Variants in SNX24 observed in about 807,000 individuals in gnomAD.
SNX24 encodes sorting nexin-24.
Under a neutral mutation model 28.7 loss-of-function variants are expected in SNX24, and 22 were observed. The ratio of observed to expected loss-of-function variants is 0.77; its 90% CI spans 0.55 to 1.10. The LOEUF (loss-of-function observed/expected upper bound fraction) is 1.10, where lower values mean the gene tolerates loss of function less well. Ranked by LOEUF, SNX24 falls within the 50% of genes least tolerant of loss-of-function variation. The pLI is 0.00. For synonymous variants in SNX24, 69 were observed against 71.5 expected, an observed-to-expected ratio of 0.96 and a Z score of 0.18; for missense variants, 221 against 201.1, an observed-to-expected ratio of 1.10 and a Z score of -0.60.
intron 1 of SNX24, among the ~76,000 whole-genome samples, chr5:122,845,925 C>T (rs984255721): frequency 6.6e-6 from 1 of 152,118 alleles, no homozygotes; most frequent in African/African-American, 2.4e-5. Flanking sequence ...CAACCCTCTC[C>T]TCCCGGACGA....
intron 1 of SNX24, among the ~76,000 whole-genome samples, chr5:122,890,686 G>C (rs1325637864): frequency 6.6e-6 from 1 of 152,044 alleles, no homozygotes; most frequent in Non-Finnish European, 1.5e-5. Context: ...GGCCAGGCTG[G>C]TCTCGAACTT....
At chr5:123,015,788 T>C (rs914190441) in intron 5 of SNX24, among the ~76,000 whole-genome samples, 2 of 152,168 alleles carry the variant, frequency 1.3e-5, no homozygotes. Flanking sequence ...TCAATACTTC[T>C]AGAAGGAGCG....
chr5:122,963,588 T>C (rs1224626596), intron 3 of SNX24, among the ~76,000 whole-genome samples: 1 of 152,206 alleles, frequency 6.6e-6, no homozygotes, highest in Non-Finnish European at 1.5e-5. Flanking sequence ...CAATCTTCCA[T>C]TCAGAGAAGA....
At chr5:123,027,487 G>C (rs1479746821) in intron 5 of SNX24, among the ~76,000 whole-genome samples, 2 of 152,182 alleles carry the variant, frequency 1.3e-5, no homozygotes, top group African/African-American at 4.8e-5. Context: ...CCAGCACCGA[G>C]GGCACGGGCA....
chr5:122,893,962 C>T (rs1028993304), intron 1 of SNX24, among the ~76,000 whole-genome samples: 3 of 151,706 alleles, frequency 2.0e-5, no homozygotes, highest in Non-Finnish European at 2.9e-5. Flanking sequence ...GCAGGAGAAT[C>T]GCTTGAACCC....
intron 3 of SNX24, among the ~76,000 whole-genome samples, chr5:122,974,117 G>A (rs987596528): frequency 3.3e-5 from 5 of 152,172 alleles, no homozygotes; most frequent in African/African-American, 7.2e-5. Flanking sequence ...CTCTTTCTTG[G>A]TTGTAGGAGG....
chr5:122,989,828 T>G (rs1375275386), intron 3 of SNX24, among the ~76,000 whole-genome samples: 1 of 152,172 alleles, frequency 6.6e-6, no homozygotes, highest in Non-Finnish European at 1.5e-5. Flanking sequence ...AATGTTAGAT[T>G]TGGGAGAAGG....
At chr5:122,947,027 C>T (rs186279049) in intron 3 of SNX24, among the ~76,000 whole-genome samples, 18 of 152,240 alleles carry the variant, frequency 1.2e-4, no homozygotes, top group South Asian at 8.3e-4. Flanking sequence ...ACTGGAGAAG[C>T]GACACATGAG....
chr5:122,944,927 G>T (rs1759619229), intron 2 of SNX24, among the ~76,000 whole-genome samples: 1 of 152,116 alleles, frequency 6.6e-6, no homozygotes, highest in Non-Finnish European at 1.5e-5. Flanking sequence ...TAGCAATTAA[G>T]CACATTGCAC....
At chr5:122,861,490 T>A (rs941546753) in intron 1 of SNX24, among the ~76,000 whole-genome samples, 3 of 152,210 alleles carry the variant, frequency 2.0e-5, no homozygotes, top group African/African-American at 7.2e-5. Context: ...GTGAATTTCA[T>A]GAGTACGGGA....
chr5:122,939,368 C>T (rs1025762024), intron 2 of SNX24, among the ~76,000 whole-genome samples: 10 of 152,286 alleles, frequency 6.6e-5, no homozygotes, highest in Non-Finnish European at 1.2e-4. Context: ...TGTAGCCCCT[C>T]TTTCAATAGA....
intron 1 of SNX24, among the ~76,000 whole-genome samples, chr5:122,876,808 A>G (rs1221769698): frequency 6.6e-6 from 1 of 152,222 alleles, no homozygotes; most frequent in Non-Finnish European, 1.5e-5. Flanking sequence ...CTTAAGCTGC[A>G]TTTTGAAGAC....
intron 3 of SNX24, among the ~76,000 whole-genome samples, chr5:122,973,587 C>G (rs1313194048): frequency 6.6e-6 from 1 of 152,210 alleles, no homozygotes; most frequent in Non-Finnish European, 1.5e-5. Flanking sequence ...CCTCATGTAA[C>G]TTACTTGTGC....
chr5:122,991,213 A>T (rs1166857532), intron 3 of SNX24, among the ~76,000 whole-genome samples: 1 of 151,878 alleles, frequency 6.6e-6, no homozygotes, highest in African/African-American at 2.4e-5. Flanking sequence ...TGTTTTTAAA[A>T]TTTATTTGGA....
intron 1 of SNX24, among the ~76,000 whole-genome samples, chr5:122,855,966 A>C (rs1303445138): frequency 6.6e-6 from 1 of 152,074 alleles, no homozygotes; most frequent in Admixed American, 6.5e-5. Context: ...GCCATCTTTT[A>C]TTTATTTACT....
intron 1 of SNX24, among the ~76,000 whole-genome samples, chr5:122,913,998 C>T (rs1371309925): frequency 1.3e-5 from 2 of 152,158 alleles, no homozygotes; most frequent in Admixed American, 1.3e-4. Flanking sequence ...CAATCGCAGG[C>T]ACTCGGCAGG....
chr5:122,853,116 T>C (rs1179675044), intron 1 of SNX24, among the ~76,000 whole-genome samples: 11 of 25,210 alleles, frequency 4.4e-4, no homozygotes, highest in African/African-American at 1.4e-3. Context: ...TTCTTTAGCC[T>C]TTTTTTTTTT....
chr5:122,965,170 A>G (rs894066327), intron 3 of SNX24, among the ~76,000 whole-genome samples: 2 of 152,236 alleles, frequency 1.3e-5, no homozygotes, highest in African/African-American at 4.8e-5. Context: ...TACTTAGTTC[A>G]TATAAATTCC....
chr5:123,002,194 A>C, intron 6 of SNX24, 190 bp downstream of exon 6: 1 of 597,472 alleles, frequency 1.7e-6, no homozygotes, highest in Non-Finnish European at 3.0e-6. Context: ...AGGAAATGTA[A>C]TTTTTCTTTC....
Sources: allele counts gnomAD v4.1 joint callset (sites outside exome capture counted in the v4.1 genomes callset), GRCh38; gene constraint gnomAD v4.1.1; transcripts MANE v1.5; gene names NCBI Gene and HGNC (gene_info 2026-07-23, HGNC 2026-07-21).